The following MAOB variants were observed in gnomAD, a reference collection of about 807,000 sequenced individuals.
The protein encoded by MAOB is amine oxidase [flavin-containing] B.
A neutral mutation model predicts 41.9 loss-of-function variants in MAOB; 15 were observed. That is an observed-to-expected ratio of 0.36 (90% CI 0.24 to 0.55). MAOB has a LOEUF of 0.55. Among genes scored for constraint, MAOB ranks in the 20% least tolerant of loss-of-function variants. The pLI is 0.86. For missense variants in MAOB, 345 were observed against 398.7 expected (o/e 0.87, Z 1.15); for synonymous variants, 167 against 144.2 (o/e 1.16, Z -1.13).
chrX:43,831,944 CA>C (rs1415187126), intron 3 of MAOB, among the ~76,000 whole-genome samples: 1 of 111,557 alleles, frequency 9.0e-6, no homozygotes, highest in Non-Finnish European at 1.9e-5. Flanking sequence ...ACCATATAAA[CA>C]TTTTTAATAA....
At chrX:43,875,475 C>A (rs1019581548) in intron 1 of MAOB, among the ~76,000 whole-genome samples, 12 of 111,933 alleles carry the variant, frequency 1.1e-4, no homozygotes, top group African/African-American at 3.9e-4. Context: ...CCATTATGGC[C>A]TCCTCTTAGG....
intron 3 of MAOB, among the ~76,000 whole-genome samples, chrX:43,816,538 G>A: frequency 8.9e-6 from 1 of 111,883 alleles, no homozygotes; most frequent in Admixed American, 9.5e-5. Flanking sequence ...GTAATATACA[G>A]AAATATACAG....
At position 43,790,259 on chromosome X, in the gene MAOB, ACTT is replaced by A. The variant is rs941582095; in HGVS notation, c.928+3157_928+3159del. Among the ~76,000 whole-genome samples the A allele has an allele frequency of 2.7e-5, 3 of 112,397 alleles. No homozygotes were observed. The South Asian group carries it at 1.1e-3, about 42-fold the overall frequency. On this transcript the variant is annotated intron_variant, in intron 8 of 14. Transcript: ENST00000378069. ...AGCAAAGATCTTGTTATAAGAGTGA[ACTT>A]CTTCAGATTTCATTACAGAAACTTT...
At chrX:43,843,357 T>TCACACACACACA (rs61018201) in intron 2 of MAOB, among the ~76,000 whole-genome samples, 3 of 83,732 alleles carry the variant, frequency 3.6e-5, no homozygotes, top group East Asian at 3.9e-4. Context: ...TCTCTCTGTC[T>TCACACACACACA]CACACACACA....
chrX:43,853,403 G>A (rs1034776194), intron 1 of MAOB, among the ~76,000 whole-genome samples: 1 of 110,682 alleles, frequency 9.0e-6, no homozygotes, highest in Non-Finnish European at 1.9e-5. Context: ...AGATAGGCCC[G>A]GGGGCAATGC....
At position 43,810,000 on chromosome X, in the gene MAOB, T is replaced by C. The variant is rs757784529; in HGVS notation, c.280-6596A>G. Among the ~76,000 whole-genome samples, 50 of 106,584 alleles carry C rather than the reference T, an allele frequency of 4.7e-4. No homozygotes were observed. In the East Asian group the frequency reaches 0.015, roughly 31 times the overall value. 92.6% of individuals were successfully genotyped at this position (106,584 alleles called of 115,157 possible). A position where few individuals can be genotyped will look rare whatever the true frequency, so the allele number is the denominator to read the frequency against. ...GGCTCACGCCTGTAATCCCAGCACT[T>C]TGGGAGGCCGAGGCGGGCGGATCAC... On this transcript the variant is annotated intron_variant, in intron 3 of 14. Coordinates refer to ENST00000378069, the MANE Select transcript of MAOB (RefSeq NM_000898.5).
chrX:43,867,510 G>A (rs1362218328), intron 1 of MAOB, among the ~76,000 whole-genome samples: 1 of 112,420 alleles, frequency 8.9e-6, no homozygotes, highest in African/African-American at 3.2e-5. Context: ...AAATGTCAAA[G>A]ATGGAAAAAA....
chrX:43,801,411 A>G (rs1047411865), intron 5 of MAOB, among the ~76,000 whole-genome samples: 6 of 111,525 alleles, frequency 5.4e-5, no homozygotes, highest in African/African-American at 2.0e-4. Context: ...CGAGCCAAAC[A>G]TATTCTCAAC....
chrX:43,827,156 T>C (rs2034959029), intron 3 of MAOB, among the ~76,000 whole-genome samples: 1 of 111,778 alleles, frequency 8.9e-6, no homozygotes, highest in African/African-American at 3.3e-5. Flanking sequence ...GTGGAGGGAA[T>C]AGCAAGTGTG....
chrX:43,778,018 C>T (rs1473804257), intron 11 of MAOB, among the ~76,000 whole-genome samples: 3 of 110,849 alleles, frequency 2.7e-5, no homozygotes, highest in Admixed American at 1.9e-4. Flanking sequence ...CCTATCCCAC[C>T]TTTAACCACC....
chrX:43,822,051 A>G (rs2034888452), intron 3 of MAOB, among the ~76,000 whole-genome samples: 1 of 112,011 alleles, frequency 8.9e-6, no homozygotes, highest in Non-Finnish European at 1.9e-5. Context: ...GCCTTATGAG[A>G]CAGAAATTCA....
Position 43,878,554 on chromosome X carries a change from G to A in MAOB, c.46+3700C>T, listed in dbSNP as rs1372611699. On this transcript the variant is annotated intron_variant, in intron 1 of 14. Coordinates refer to ENST00000378069, the MANE Select transcript of MAOB (RefSeq NM_000898.5). The stretch of plus-strand genomic sequence containing the variant: ...AATCGTATGTTCTTTTAATATTGCT[G>A]TATTACCTCTGTGTATTCTTTCCTT... Among the ~76,000 whole-genome samples, 7 of 110,861 alleles carry A rather than the reference G, an allele frequency of 6.3e-5. No individual in the cohort carries two copies. The Admixed American group carries it at 6.7e-4, about 11-fold the overall frequency.
At chrX:43,848,552 A>AGTTTT (rs939596183) in intron 1 of MAOB, among the ~76,000 whole-genome samples, 3 of 105,188 alleles carry the variant, frequency 2.9e-5, no homozygotes, top group East Asian at 3.0e-4. Context: ...TGTTTGTTTT[A>AGTTTT]GTTTTGTTTT....
intron 1 of MAOB, among the ~76,000 whole-genome samples, chrX:43,866,900 G>C (rs770437102): frequency 3.6e-5 from 4 of 112,220 alleles, no homozygotes; most frequent in African/African-American, 9.7e-5. Flanking sequence ...GGAAATCTGG[G>C]AGACAGTGTG....
At chrX:43,782,803 C>T (rs1465821639) in intron 8 of MAOB, among the ~76,000 whole-genome samples, 1 of 111,673 alleles carries the variant, frequency 9.0e-6, no homozygotes, top group East Asian at 2.8e-4. Context: ...ATGATCAAGT[C>T]GGCTTCCTCC....
chrX:43,776,268 G>A (rs1224650881), intron 11 of MAOB, among the ~76,000 whole-genome samples: 1 of 112,601 alleles, frequency 8.9e-6, no homozygotes, highest in Non-Finnish European at 1.9e-5. Flanking sequence ...AAAACAAGTG[G>A]CCTTCTCTAT....
intron 3 of MAOB, among the ~76,000 whole-genome samples, chrX:43,817,735 GC>G (rs1470840577): frequency 1.8e-5 from 2 of 111,774 alleles, no homozygotes; most frequent in Non-Finnish European, 3.8e-5. Flanking sequence ...ACTTATCCCT[GC>G]CTGAGGGCCT....
intron 1 of MAOB, among the ~76,000 whole-genome samples, chrX:43,881,696 C>T (rs1436274507): frequency 1.8e-5 from 2 of 111,813 alleles, no homozygotes; most frequent in African/African-American, 6.5e-5. Context: ...AAGAGGAAAA[C>T]AGGCATTTGC....
chrX:43,807,553 T>C (rs1337790371), intron 3 of MAOB, among the ~76,000 whole-genome samples: 1 of 112,589 alleles, frequency 8.9e-6, no homozygotes, highest in East Asian at 2.8e-4. Flanking sequence ...CCAGTCTCCC[T>C]GGGTTGAGTC....
Sources: allele counts gnomAD v4.1 joint callset (sites outside exome capture counted in the v4.1 genomes callset), GRCh38; gene constraint gnomAD v4.1.1; transcripts MANE v1.5; gene names NCBI Gene and HGNC (gene_info 2026-07-23, HGNC 2026-07-21).